Variants in FRMD3 observed in about 807,000 individuals in gnomAD.
FRMD3 encodes FERM domain containing 3.
FRMD3 carries 33 observed loss-of-function variants against 70.2 expected under a neutral mutation model. The ratio of observed to expected loss-of-function variants is 0.47; its 90% confidence interval spans 0.36 to 0.63. FRMD3 has a LOEUF of 0.63. Among genes scored for constraint, FRMD3 ranks in the 20% least tolerant of loss-of-function variants. The pLI is 0.00. For missense variants in FRMD3, 632 were observed against 711.4 expected, an observed-to-expected ratio of 0.89 and a Z score of 1.27; for synonymous variants, 279 against 255.9, an observed-to-expected ratio of 1.09 and a Z score of -0.86.
chr9:83,349,834 GT>G, intron 3 of FRMD3, 77 bp from the exon 4 acceptor site: 1 of 1,109,272 alleles, frequency 9.0e-7, no homozygotes, highest in Non-Finnish European at 1.3e-6. Flanking sequence ...AAAGGCAGCC[GT>G]GCAGCCTGAC....
chr9:83,263,896 A>G (rs1279418793), intron 13 of FRMD3, among the ~76,000 whole-genome samples: 1 of 152,218 alleles, frequency 6.6e-6, no homozygotes, highest in East Asian at 1.9e-4. Context: ...GGACAATGTT[A>G]AAATATAACA....
rs71365307 is a variant in FRMD3 at position 83,284,061 on chromosome 9, ATTTTTTTTT to A, written c.1195+6533_1195+6541del. ...CTACGAGGGGGCAAGCTAGGATGTT[ATTTTTTTTT>A]TTTTTTTTTTTTTTGCTCATTTATG... On this transcript the variant is annotated intron_variant, in intron 13 of 13. Coordinates refer to ENST00000304195, the MANE Select transcript of FRMD3 (RefSeq NM_174938.6). Among the ~76,000 whole-genome samples, 14 of 101,682 alleles carry A rather than the reference ATTTTTTTTT, an allele frequency of 1.4e-4. No individual in the cohort carries two copies. In the South Asian group the frequency reaches 1.7e-3, roughly 13 times the overall value. The allele number at this position is 101,682 out of a possible 152,430, so 66.7% of individuals were successfully genotyped here.
chr9:83,295,372 A>T (rs539789025), intron 12 of FRMD3, among the ~76,000 whole-genome samples: 155 of 152,338 alleles, frequency 1.0e-3, no homozygotes, highest in Middle Eastern at 3.4e-3. Flanking sequence ...CCTCCTTGAA[A>T]TTAAAAGAAG....
At chr9:83,568,227 G>T in the FRMD3 span, among the ~76,000 whole-genome samples, 1 of 152,128 alleles carries the variant, frequency 6.6e-6, no homozygotes, top group African/African-American at 2.4e-5. Context: ...AACAGCAGGG[G>T]AAAGATTGGC....
At chr9:83,357,866 C>G (rs1222798521) in intron 3 of FRMD3, among the ~76,000 whole-genome samples, 1 of 152,200 alleles carries the variant, frequency 6.6e-6, no homozygotes, top group Non-Finnish European at 1.5e-5. Flanking sequence ...GTCTCCCACT[C>G]TGTGGGTTGT....
At chr9:83,401,104 T>G (rs987852803) in intron 1 of FRMD3, among the ~76,000 whole-genome samples, 1 of 152,214 alleles carries the variant, frequency 6.6e-6, no homozygotes, top group Non-Finnish European at 1.5e-5. Flanking sequence ...CTATGTACTA[T>G]ATTTAGATTA....
chr9:83,419,014 T>C (rs572823767), intron 1 of FRMD3, among the ~76,000 whole-genome samples: 13 of 152,328 alleles, frequency 8.5e-5, no homozygotes, highest in African/African-American at 3.1e-4. Flanking sequence ...AGGCCATTAT[T>C]CTAAGTGAAG....
intron 2 of FRMD3, among the ~76,000 whole-genome samples, chr9:83,388,571 C>G (rs1054277144): frequency 6.6e-6 from 1 of 152,152 alleles, no homozygotes; most frequent in Non-Finnish European, 1.5e-5. Flanking sequence ...GCACACATCA[C>G]GTGGTTCTGG....
At chr9:83,365,843 G>A (rs1824768785) in intron 3 of FRMD3, among the ~76,000 whole-genome samples, 1 of 152,186 alleles carries the variant, frequency 6.6e-6, no homozygotes, top group Non-Finnish European at 1.5e-5. Context: ...GTTCCTGCCT[G>A]TCCCAGAGGT....
intron 1 of FRMD3, among the ~76,000 whole-genome samples, chr9:83,532,883 C>A (rs1461503512): frequency 6.6e-6 from 1 of 152,178 alleles, no homozygotes; most frequent in African/African-American, 2.4e-5. Flanking sequence ...TAGTGACTGA[C>A]TGACATCTAA....
chr9:83,293,952 C>G (rs1009589806), intron 12 of FRMD3, among the ~76,000 whole-genome samples: 11 of 152,174 alleles, frequency 7.2e-5, no homozygotes, highest in Admixed American at 2.6e-4. Context: ...GCTCCCAGCC[C>G]AATGTGAGGC....
Position 83,427,752 on chromosome 9 carries a change from T to C in FRMD3, c.148-38044A>G, listed in dbSNP as rs533640841. Among the ~76,000 whole-genome samples the C allele has an allele frequency of 8.6e-5, 13 of 151,764 alleles. No individual in the cohort carries two copies. The South Asian group carries it at 2.1e-3, about 24-fold the overall frequency. ...TAGAAAAAAAAATGAGCAAAAAGCA[T>C]GAATAAGCATTTCACAGAAGATAAA... On this transcript the variant is annotated intron_variant, in intron 1 of 13. Coordinates refer to ENST00000304195, the MANE Select transcript of FRMD3 (RefSeq NM_174938.6).
intron 4 of FRMD3, 125 bp from the exon 5 acceptor site, chr9:83,343,412 TG>T: frequency 1.5e-6 from 1 of 648,618 alleles, no homozygotes; most frequent in African/African-American, 1.8e-5. Context: ...GGCTTAGACA[TG>T]CCCAGCCCTT....
At chr9:83,330,032 A>G (rs1836192110) in intron 6 of FRMD3, among the ~76,000 whole-genome samples, 1 of 152,142 alleles carries the variant, frequency 6.6e-6, no homozygotes, top group Non-Finnish European at 1.5e-5. Context: ...GGTGGCTTTG[A>G]TTAAAGCTGT....
the FRMD3 span, among the ~76,000 whole-genome samples, chr9:83,562,721 T>C: frequency 1.3e-5 from 2 of 152,150 alleles, no homozygotes; most frequent in African/African-American, 4.8e-5. Context: ...AAAGAAGGGT[T>C]TTACCCTTTT....
At position 83,312,062 on chromosome 9, in the gene FRMD3, A is replaced by AC. The variant is rs1212951445; in HGVS notation, c.685-88dup. ...ATAACCAATATATTTATTCATCCTC[A>AC]CCCTAGGTTAATTTTAGACTAATCC... On this transcript the variant is annotated intron_variant, in intron 7 of 13. Coordinates refer to ENST00000304195, the MANE Select transcript of FRMD3 (RefSeq NM_174938.6). The AC allele has an allele frequency of 6.0e-6, 6 of 1,001,448 alleles. No homozygotes were observed. The East Asian group carries it at 1.6e-4, about 26-fold the overall frequency. 62.0% of individuals were successfully genotyped at this position (1,001,448 alleles called of 1,614,324 possible).
At chr9:83,406,696 T>G (rs763747158) in intron 1 of FRMD3, among the ~76,000 whole-genome samples, 1 of 152,210 alleles carries the variant, frequency 6.6e-6, no homozygotes, top group Non-Finnish European at 1.5e-5. Context: ...CATTGGGCAA[T>G]TGACATGTTG....
At chr9:83,529,881 T>G (rs1829759836) in intron 1 of FRMD3, among the ~76,000 whole-genome samples, 1 of 152,156 alleles carries the variant, frequency 6.6e-6, no homozygotes, top group Non-Finnish European at 1.5e-5. Context: ...AATAGACACA[T>G]GAAAAGATGC....
chr9:83,394,073 G>A (rs1037656589), intron 1 of FRMD3, among the ~76,000 whole-genome samples: 2 of 152,006 alleles, frequency 1.3e-5, no homozygotes, highest in African/African-American at 2.4e-5. Flanking sequence ...AGGCTTGGGG[G>A]TTCTGTTTGG....
Sources: gnomAD v4.1 joint callset for allele counts (sites outside exome capture counted in the v4.1 genomes callset) on GRCh38, gnomAD v4.1.1 for gene constraint, MANE v1.5 for transcripts, NCBI Gene and HGNC (gene_info 2026-07-23, HGNC 2026-07-21) for gene names.